DGAT2: variants seen among roughly 807,000 people sequenced by gnomAD.
The protein encoded by DGAT2 is diacylglycerol O-acyltransferase 2, also known as acyl-CoA retinol O-fatty-acyltransferase.
DGAT2 carries 33 observed loss-of-function variants against 48.4 expected under a neutral mutation model. The ratio of observed to expected loss-of-function variants is 0.68; its 90% CI spans 0.52 to 0.91. The LOEUF (loss-of-function observed/expected upper bound fraction) is 0.91, where lower values mean the gene tolerates loss of function less well. Among genes scored for constraint, DGAT2 ranks in the 40% least tolerant of loss-of-function variants. The probability of loss-of-function intolerance (pLI) is 0.00; values close to 1 mark genes in which losing one functional copy is unlikely to be tolerated. For missense variants in DGAT2, 446 were observed against 493.7 expected (o/e 0.90, Z 0.92); for synonymous variants, 191 against 194.1 (o/e 0.98, Z 0.13).
chr11:75,798,120 C>T, intron 6 of DGAT2, 107 bp from the exon 7 acceptor site: 1 of 1,193,626 alleles, frequency 8.4e-7, no homozygotes, highest in Non-Finnish European at 1.2e-6. Flanking sequence ...TTCTGGTACA[C>T]CCAGCTGGGG....
At position 75,789,632 on chromosome 11, in the gene DGAT2, A is replaced by G. The variant is rs541846231; in HGVS notation, c.251-556A>G. On this transcript the variant is annotated intron_variant, in intron 2 of 7. Coordinates refer to ENST00000228027, the MANE Select transcript of DGAT2 (RefSeq NM_032564.5). ...AAGCCTAATACAGAGAACGGACTGT[A>G]GAGTCAGACCTGTGTTTGAATCCTG... Among the ~76,000 whole-genome samples the G allele has an allele frequency of 2.6e-5, 4 of 152,334 alleles. No individual in the cohort carries two copies. The South Asian group carries it at 6.2e-4, about 24-fold the overall frequency.
chr11:75,778,675 A>G lies in DGAT2; in HGVS notation c.122-5943A>G, dbSNP rs185955434. 1.4e-3 allele frequency among the ~76,000 whole-genome samples: 214 copies of G among 152,016 alleles called. 3 individuals are homozygous for G. Among genetic ancestry groups the G allele is most frequent in the African/African-American group, 4.8e-3 (199 of 41,462 alleles). On this transcript the variant is annotated intron_variant, in intron 1 of 7. Transcript: ENST00000228027. ...TGGTGAAACCCCATCTCTACCAAAAATACAAATAATTAGCCGGGCGTTGTG... is the reference window on the plus strand; with the variant it reads ...TGGTGAAACCCCATCTCTACCAAAAGTACAAATAATTAGCCGGGCGTTGTG...
intron 1 of DGAT2, among the ~76,000 whole-genome samples, chr11:75,772,403 T>C (rs1368496203): frequency 2.6e-5 from 4 of 152,192 alleles, no homozygotes; most frequent in Non-Finnish European, 5.9e-5. Context: ...TCACCCACCA[T>C]GCTGCAGACG....
chr11:75,790,377 G>T, intron 3 of DGAT2, 82 bp downstream of exon 3: 2 of 1,229,920 alleles, frequency 1.6e-6, no homozygotes, highest in Non-Finnish European at 2.4e-6. Flanking sequence ...CTCATCCTGA[G>T]TGCTGTTTCT....
chr11:75,784,102 GT>G (rs1323016606), intron 1 of DGAT2, among the ~76,000 whole-genome samples: 2 of 152,128 alleles, frequency 1.3e-5, no homozygotes, highest in African/African-American at 4.8e-5. Flanking sequence ...TGGAGAAGGG[GT>G]ATTAGTCTGG....
Position 75,800,891 on chromosome 11 carries a change from GC to G in DGAT2, c.*387del, listed in dbSNP as rs1227824026. ...GAGGCGAAAGCCACTTCTCATACAA[GC>G]CCCTTTATTGCCACTACCCCACGCT... is the stretch of plus-strand genomic sequence containing the variant. On this transcript the variant is annotated 3_prime_UTR_variant, in exon 8 of 8. Transcript: ENST00000228027. 4.5e-6 allele frequency: 1 copy of G among 221,792 alleles called. No homozygotes were observed. The highest frequency in any genetic ancestry group is 5.9e-5 in the South Asian group (1 of 16,958). The allele number at this position is 221,792 out of a possible 1,614,324, so 13.7% of individuals were successfully genotyped here.
chr11:75,790,658 A>T lies in DGAT2; in HGVS notation c.359-3A>T. The T allele has an allele frequency of 6.2e-7, 1 of 1,613,830 alleles. No individual in the cohort carries two copies. The highest frequency in any genetic ancestry group is 1.1e-5 in the South Asian group (1 of 91,054). On this transcript the variant is annotated splice_polypyrimidine_tract_variant and splice_region_variant and intron_variant, in intron 3 of 7. Transcript: ENST00000228027. ...ACCAACTCTGTATTTTATTCCCTGG[A>T]AGGTGGCAGGAGGTCACAGTGGGTC...
At chr11:75,786,123 C>T (rs1020033120) in intron 2 of DGAT2, among the ~76,000 whole-genome samples, 5 of 152,154 alleles carry the variant, frequency 3.3e-5, no homozygotes, top group Admixed American at 6.5e-5. Context: ...TAGCTGTCCT[C>T]AAAGTCTTAC....
At position 75,800,394 on chromosome 11, in the gene DGAT2, C is replaced by T. The variant is rs1424956006; in HGVS notation, c.1053C>T (p.Thr351=). 7 of 1,614,060 alleles carry T rather than the reference C, an allele frequency of 4.3e-6. No homozygotes were observed. In the African/African-American group the frequency reaches 6.7e-5, roughly 15 times the overall value. Residue 351 remains threonine (T), a synonymous_variant, in exon 8 of 8, where the codon ACC becomes ACT. Coordinates refer to ENST00000228027, the MANE Select transcript of DGAT2 (RefSeq NM_032564.5). ...CCATCCCCAAGCTGGAGCACCCAAC[C>T]CAGCAAGACATCGACCTGTACCACA... The part of the protein sequence containing the change: ...PITIPKLEHP[T]QQDIDLYHTM...
intron 1 of DGAT2, among the ~76,000 whole-genome samples, chr11:75,780,497 G>A (rs1005571348): frequency 2.6e-5 from 4 of 152,196 alleles, no homozygotes; most frequent in African/African-American, 9.6e-5. Context: ...GAAGCCCAGA[G>A]AGGTGAGGAG....
At chr11:75,787,155 G>T (rs1274781359) in intron 2 of DGAT2, among the ~76,000 whole-genome samples, 1 of 152,132 alleles carries the variant, frequency 6.6e-6, no homozygotes, top group African/African-American at 2.4e-5. Flanking sequence ...ATAATTCTGT[G>T]ATTTATTATA....
At chr11:75,788,593 A>G (rs1038034023) in intron 2 of DGAT2, among the ~76,000 whole-genome samples, 3 of 152,144 alleles carry the variant, frequency 2.0e-5, no homozygotes, top group African/African-American at 7.2e-5. Flanking sequence ...CTTTAGGCTC[A>G]TGGAGAGTCT....
At position 75,801,333 on chromosome 11, in the gene DGAT2, G is replaced by C. The variant is rs569480452; in HGVS notation, c.*825G>C. ...GAGGAAGAGATCCCTCTTCAGAAGG[G>C]GCCTGGCCTTCTGAGCAGCAGATTA... is the stretch of plus-strand genomic sequence containing the variant. On this transcript the variant is annotated 3_prime_UTR_variant, in exon 8 of 8. Transcript: ENST00000228027. 1 of 152,700 alleles carries C rather than the reference G, an allele frequency of 6.5e-6. No individual in the cohort carries two copies. Among genetic ancestry groups the C allele is most frequent in the Admixed American group, 6.5e-5 (1 of 15,296 alleles). 9.5% of individuals were successfully genotyped at this position (152,700 alleles called of 1,614,324 possible).
rs1366940656 is a variant in DGAT2 at position 75,801,501 on chromosome 11, T to A, written c.*993T>A. 1 of 152,648 alleles carries A rather than the reference T, an allele frequency of 6.6e-6. No individual in the cohort carries two copies. The highest frequency in any genetic ancestry group is 1.5e-5 in the Non-Finnish European group (1 of 68,032). The allele number at this position is 152,648 out of a possible 1,614,324, so 9.5% of individuals were successfully genotyped here. A position where few individuals can be genotyped will look rare whatever the true frequency, so the allele number is the denominator to read the frequency against. ...CATTGCACCATGTCAGACTTTTGTA[T>A]ATGCCTTGAAAATAAATGAAAGTGA... On this transcript the variant is annotated 3_prime_UTR_variant, in exon 8 of 8. Transcript: ENST00000228027.
At chr11:75,769,358 A>G (rs910656171) in intron 1 of DGAT2, among the ~76,000 whole-genome samples, 1 of 152,060 alleles carries the variant, frequency 6.6e-6, no homozygotes, top group Admixed American at 6.5e-5. Flanking sequence ...CCCAGCCCCC[A>G]CTGCGGCTGG....
At chr11:75,780,769 T>C (rs1590867016) in intron 1 of DGAT2, among the ~76,000 whole-genome samples, 1 of 152,350 alleles carries the variant, frequency 6.6e-6, no homozygotes, top group East Asian at 1.9e-4. Context: ...TTTGCCAGCA[T>C]CTGGCTGAGT....
At chr11:75,791,341 A>G (rs1181712297) in intron 4 of DGAT2, among the ~76,000 whole-genome samples, 1 of 152,328 alleles carries the variant, frequency 6.6e-6, no homozygotes, top group Middle Eastern at 3.4e-3. Flanking sequence ...TGGGGGTGGC[A>G]GGGCCAGCTC....
intron 1 of DGAT2, among the ~76,000 whole-genome samples, chr11:75,783,270 G>C (rs1027863966): frequency 4.6e-5 from 7 of 152,150 alleles, no homozygotes; most frequent in Non-Finnish European, 1.0e-4. Flanking sequence ...GCTAAACTAA[G>C]CCCTTTCCCT....
At chr11:75,777,011 A>G (rs890588777) in intron 1 of DGAT2, 1 of 152,446 alleles carries the variant, frequency 6.6e-6, no homozygotes, top group African/African-American at 2.4e-5. Flanking sequence ...TCTCCGTGCA[A>G]CTTGTCCTCA....
Sources: gnomAD v4.1 joint callset for allele counts (sites outside exome capture counted in the v4.1 genomes callset) on GRCh38, gnomAD v4.1.1 for gene constraint, MANE v1.5 for transcripts, NCBI Gene and HGNC (gene_info 2026-07-23, HGNC 2026-07-21) for gene names.